PRKCQ: variants seen among roughly 807,000 people sequenced by gnomAD.
The protein encoded by PRKCQ is protein kinase C theta type.
In PRKCQ, 41 loss-of-function variants were observed where a neutral mutation model predicts 91.2. The ratio of observed to expected loss-of-function variants is 0.45; its 90% CI spans 0.35 to 0.58. The LOEUF is 0.58. Ranked by LOEUF, PRKCQ falls within the 20% of genes least tolerant of loss-of-function variation. PRKCQ has a pLI of 0.00. For missense variants in PRKCQ, 673 were observed against 896.5 expected (o/e 0.75, Z 3.18); for synonymous variants, 307 against 316.9 (o/e 0.97, Z 0.33).
rs1261014308 is a variant in PRKCQ at position 6,465,063 on chromosome 10, AC to A, written c.1354-660del. Among the ~76,000 whole-genome samples the A allele has an allele frequency of 2.0e-5, 3 of 152,130 alleles. No individual in the cohort carries two copies. Among genetic ancestry groups the A allele is most frequent in the African/African-American group, 4.8e-5 (2 of 41,426 alleles). On this transcript the variant is annotated intron_variant, in intron 12 of 17. Transcript: ENST00000263125. This position sits in a 1 kb window ranked among gnomAD's most constrained non-coding sequence, Gnocchi z 4.4. ...GGCACTTAGCATGTGCCGATTGTAT[AC>A]TTATTGAAAGTGACAGGGTGCAGGG... is the stretch of plus-strand genomic sequence containing the variant.
intron 16 of PRKCQ, among the ~76,000 whole-genome samples, chr10:6,439,814 G>A (rs759885351): frequency 4.6e-5 from 7 of 152,140 alleles, no homozygotes; most frequent in African/African-American, 1.2e-4. Flanking sequence ...ATTGGTGGTC[G>A]TTTTGGGGGA....
Position 6,511,167 on chromosome 10 carries a change from T to C in PRKCQ, c.146A>G (p.Lys49Arg). The C allele has an allele frequency of 6.2e-7, 1 of 1,614,054 alleles. No individual in the cohort carries two copies. Among genetic ancestry groups the C allele is most frequent in the Non-Finnish European group, 8.5e-7 (1 of 1,179,980 alleles). The change falls in exon 3 of 18, where the codon AAG becomes AGG. Residue 49 changes from lysine (K) to arginine (R), a missense_variant. Coordinates refer to ENST00000263125, the MANE Select transcript of PRKCQ (RefSeq NM_006257.5). Reference sequence around the variant, plus strand: ...GTCCCAGGGTGGGTACATGGTAGGCTTTTTCTGGATATACATCTGCCCGTT... The same window carrying C: ...GTCCCAGGGTGGGTACATGGTAGGCCTTTTCTGGATATACATCTGCCCGTT... ...SENGQMYIQK[K>R]PTMYPPWDST...
chr10:6,489,697 CA>C (rs1374639947), intron 8 of PRKCQ, among the ~76,000 whole-genome samples: 1 of 150,724 alleles, frequency 6.6e-6, no homozygotes, highest in Non-Finnish European at 1.5e-5. Flanking sequence ...GAATGGAAAA[CA>C]AACCAGGGCA....
chr10:6,521,975 C>T (rs937527611), intron 1 of PRKCQ, among the ~76,000 whole-genome samples: 19 of 149,592 alleles, frequency 1.3e-4, no homozygotes, highest in Admixed American at 4.0e-4. Flanking sequence ...CGGAGTCTCG[C>T]CCTGTTGCCC....
At chr10:6,493,089 C>T (rs897982289) in intron 7 of PRKCQ, among the ~76,000 whole-genome samples, 3 of 152,206 alleles carry the variant, frequency 2.0e-5, no homozygotes, top group East Asian at 3.9e-4. Context: ...GGGACCACTT[C>T]GAATCTTGAA....
downstream of PRKCQ, chr10:6,427,108 T>TG (rs2132214208): frequency 6.6e-6 from 1 of 152,144 alleles, no homozygotes; most frequent in South Asian, 2.1e-4. Flanking sequence ...AGCAAGTTCT[T>TG]GTGGGGGGCA....
At chr10:6,508,892 G>A (rs954611762) in intron 3 of PRKCQ, among the ~76,000 whole-genome samples, 3 of 152,114 alleles carry the variant, frequency 2.0e-5, no homozygotes, top group Non-Finnish European at 4.4e-5. Flanking sequence ...ACAACCTTGG[G>A]AAAACAAAAG....
At chr10:6,394,844 G>C in the PRKCQ span, among the ~76,000 whole-genome samples, 799 of 152,204 alleles carry the variant, frequency 5.2e-3, 7 homozygotes, top group Middle Eastern at 0.02. Flanking sequence ...GCTTGATACT[G>C]TTCTTCCACA....
At chr10:6,442,158 G>T (rs1834004202) in intron 15 of PRKCQ, 77 bp from the exon 16 acceptor site, 2 of 1,409,002 alleles carry the variant, frequency 1.4e-6, no homozygotes, top group Admixed American at 2.0e-5. Context: ...GCGTCTCAAG[G>T]CCACTCAGTA....
intron 1 of PRKCQ, among the ~76,000 whole-genome samples, chr10:6,537,432 G>A (rs756104929): frequency 2.6e-4 from 40 of 152,304 alleles, no homozygotes; most frequent in Non-Finnish European, 4.9e-4. Flanking sequence ...TGGGCTCAGA[G>A]AGGTGAAGAC....
At chr10:6,407,105 C>T in the PRKCQ span, among the ~76,000 whole-genome samples, 1 of 152,172 alleles carries the variant, frequency 6.6e-6, no homozygotes, top group South Asian at 2.1e-4. The surrounding 1 kb of genome is among the most constrained non-coding windows in gnomAD (Gnocchi z 4.0). Context: ...TCTAACAGAT[C>T]ACTCTAAAGA....
chr10:6,428,427 A>ACTT (rs1157627630), intron 17 of PRKCQ, 65 bp from the exon 18 acceptor site: 4 of 1,552,094 alleles, frequency 2.6e-6, no homozygotes, highest in East Asian at 2.3e-5. Flanking sequence ...CATGATCTTC[A>ACTT]CTTTTGTTAT....
intron 1 of PRKCQ, among the ~76,000 whole-genome samples, chr10:6,540,822 T>G (rs992316494): frequency 1.3e-5 from 2 of 152,292 alleles, no homozygotes; most frequent in South Asian, 4.1e-4. Context: ...TTCCTCAGAG[T>G]CTGTACCACT....
chr10:6,482,634 A>G (rs900556430), intron 11 of PRKCQ, among the ~76,000 whole-genome samples: 1 of 152,204 alleles, frequency 6.6e-6, no homozygotes, highest in African/African-American at 2.4e-5. Flanking sequence ...ATTTTGTTAT[A>G]GCAGCCTGTA....
chr10:6,540,860 G>A (rs918162117), intron 1 of PRKCQ, among the ~76,000 whole-genome samples: 9 of 152,084 alleles, frequency 5.9e-5, no homozygotes, highest in African/African-American at 2.2e-4. Flanking sequence ...ATTCAAGAAG[G>A]TCCCACATCT....
intron 16 of PRKCQ, among the ~76,000 whole-genome samples, chr10:6,432,047 G>C (rs1003473972): frequency 1.3e-4 from 20 of 152,224 alleles, no homozygotes; most frequent in Non-Finnish European, 4.4e-5. Flanking sequence ...GGTCCCCTGG[G>C]TGTCTGGAGT....
chr10:6,580,555 C>G (rs1012661493), upstream of PRKCQ: 1 of 152,448 alleles, frequency 6.6e-6, no homozygotes, highest in Non-Finnish European at 1.5e-5. Context: ...CCGGAGGGCC[C>G]AGGACAGCCC....
At chr10:6,548,050 A>G (rs1840031919) in intron 1 of PRKCQ, among the ~76,000 whole-genome samples, 1 of 151,914 alleles carries the variant, frequency 6.6e-6, no homozygotes, top group African/African-American at 2.4e-5. Flanking sequence ...AAAACAAACA[A>G]CCCCATCAAA....
intron 8 of PRKCQ, among the ~76,000 whole-genome samples, chr10:6,487,823 C>A (rs188243239): frequency 1.3e-5 from 2 of 151,828 alleles, no homozygotes; most frequent in African/African-American, 4.8e-5. Context: ...CATGGTGAAA[C>A]CTCATCTCTA....
Sources: gnomAD v4.1 joint callset for allele counts (sites outside exome capture counted in the v4.1 genomes callset) on GRCh38, gnomAD v4.1.1 for gene constraint, Gnocchi (gnomAD v3.1) non-coding constraint, MANE v1.5 for transcripts, NCBI Gene and HGNC (gene_info 2026-07-23, HGNC 2026-07-21) for gene names.